CSGALNACT1: variants seen among roughly 807,000 people sequenced by gnomAD.
CSGALNACT1 encodes beta4GalNAcT-1.
A neutral mutation model predicts 51.0 loss-of-function variants in CSGALNACT1; 52 were observed. The observed-to-expected ratio is 1.02, with a 90% CI of 0.82 to 1.29. CSGALNACT1 has a LOEUF of 1.29. Among genes scored for constraint, CSGALNACT1 ranks in the 50% most tolerant of loss-of-function variants. The probability of loss-of-function intolerance (pLI) is 0.00; values close to 1 mark genes in which losing one functional copy is unlikely to be tolerated. For synonymous variants in CSGALNACT1, 341 were observed against 254.4 expected (o/e 1.34, Z -3.24); for missense variants, 935 against 679.2 (o/e 1.38, Z -4.19).
rs1588008909 is a variant in CSGALNACT1, at chr8:19,537,299, G to C, written c.-296-31169C>G. On this transcript the variant is annotated intron_variant, in intron 3 of 9. Transcript: ENST00000454498. The stretch of plus-strand genomic sequence containing the variant: ...CCACAATTCATCCCCCTCCTAAAAT[G>C]TCAGTCTCTAAGCCAGTTTGTCTGA... 3.9e-5 allele frequency among the ~76,000 whole-genome samples: 6 copies of C among 152,162 alleles called. No homozygotes were observed. In the South Asian group the frequency reaches 1.2e-3, roughly 31 times the overall value.
At position 19,426,961 on chromosome 8, in the gene CSGALNACT1, A is replaced by G. The variant is rs921211073; in HGVS notation, c.954-6443T>C. Among the ~76,000 whole-genome samples the G allele has an allele frequency of 2.0e-5, 3 of 152,240 alleles. 1 individual carries two copies. The highest frequency in any genetic ancestry group is 2.0e-4 in the Admixed American group (3 of 15,290). ...AAAATTTACATAGAAAACTAGTATT[A>G]TATCCAATGTATGATTTTAAATCTC... On this transcript the variant is annotated intron_variant, in intron 6 of 9. Coordinates refer to ENST00000454498, the Ensembl canonical transcript of CSGALNACT1.
intron 1 of CSGALNACT1, among the ~76,000 whole-genome samples, chr8:19,697,379 G>GTTGA (rs960496512): frequency 2.6e-5 from 4 of 152,086 alleles, no homozygotes; most frequent in African/African-American, 9.7e-5. Context: ...GAACAGTGGG[G>GTTGA]TTGATCATGA....
chr8:19,741,800 T>A (rs2064337370), intron 1 of CSGALNACT1, among the ~76,000 whole-genome samples: 1 of 152,198 alleles, frequency 6.6e-6, no homozygotes, highest in Admixed American at 6.5e-5. Flanking sequence ...TTTATTCTTG[T>A]TATTAAGGTA....
At chr8:19,547,839 G>C (rs1359130568) in intron 3 of CSGALNACT1, among the ~76,000 whole-genome samples, 1 of 152,172 alleles carries the variant, frequency 6.6e-6, no homozygotes, top group Non-Finnish European at 1.5e-5. Context: ...GAAAGAAAGA[G>C]TAACATTTAC....
chr8:19,491,009 G>C (rs1474857991), intron 4 of CSGALNACT1, among the ~76,000 whole-genome samples: 1 of 151,184 alleles, frequency 6.6e-6, no homozygotes, highest in African/African-American at 2.4e-5. Context: ...ATATCTTATT[G>C]CAAAGTATAA....
intron 1 of CSGALNACT1, among the ~76,000 whole-genome samples, chr8:19,610,436 C>G (rs1347594855): frequency 6.6e-6 from 1 of 151,996 alleles, no homozygotes; most frequent in African/African-American, 2.4e-5. Flanking sequence ...TTTCCCAAGA[C>G]CACTCTGGCC....
chr8:19,573,906 A>T (rs1344463587), intron 3 of CSGALNACT1, among the ~76,000 whole-genome samples: 2 of 152,174 alleles, frequency 1.3e-5, no homozygotes, highest in Non-Finnish European at 2.9e-5. Flanking sequence ...CTGGCAATCC[A>T]TTCTTTGGGC....
intron 1 of CSGALNACT1, among the ~76,000 whole-genome samples, chr8:19,617,839 C>A (rs959863944): frequency 1.3e-5 from 2 of 152,096 alleles, no homozygotes; most frequent in African/African-American, 4.8e-5. Context: ...AATAGATAGG[C>A]TTTTAAAAGA....
intron 1 of CSGALNACT1, among the ~76,000 whole-genome samples, chr8:19,696,118 G>A (rs997464048): frequency 2.6e-5 from 4 of 152,106 alleles, no homozygotes; most frequent in East Asian, 1.9e-4. Context: ...GAATGCTTAC[G>A]GCTATGGCTG....
At chr8:19,407,741 T>G (rs2054549358) in intron 9 of CSGALNACT1, among the ~76,000 whole-genome samples, 1 of 151,900 alleles carries the variant, frequency 6.6e-6, no homozygotes, top group African/African-American at 2.4e-5. Context: ...GTGTATGAAT[T>G]GTGTGTGCAT....
upstream of CSGALNACT1, among the ~76,000 whole-genome samples, chr8:19,603,531 G>A (rs1446413165): frequency 6.6e-6 from 1 of 152,208 alleles, no homozygotes; most frequent in Non-Finnish European, 1.5e-5. Context: ...ACGCAGCAAT[G>A]CCTAAGTGGA....
chr8:19,436,141 T>C (rs906660123), intron 6 of CSGALNACT1, among the ~76,000 whole-genome samples: 5 of 152,250 alleles, frequency 3.3e-5, no homozygotes, highest in Admixed American at 2.6e-4. Flanking sequence ...AAATATTGCA[T>C]ACTGGTCACT....
chr8:19,583,169 CCTT>C lies in CSGALNACT1; in HGVS notation c.-297+7988_-297+7990del, dbSNP rs1408789268. 4.6e-5 allele frequency among the ~76,000 whole-genome samples: 7 copies of C among 151,810 alleles called. No individual in the cohort carries two copies. The South Asian group carries it at 1.5e-3, about 32-fold the overall frequency. ...ATGTATCCAAAAACATAAACCAATACCTTTTTTTAAAAAAAAATCCATTATTCT... is the reference window on the plus strand; with the variant it reads ...ATGTATCCAAAAACATAAACCAATACTTTTTAAAAAAAAATCCATTATTCT... On this transcript the variant is annotated intron_variant, in intron 3 of 9. Coordinates refer to ENST00000454498, the Ensembl canonical transcript of CSGALNACT1.
intron 4 of CSGALNACT1, among the ~76,000 whole-genome samples, chr8:19,487,573 G>C (rs1254317877): frequency 6.6e-6 from 1 of 152,138 alleles, no homozygotes; most frequent in Non-Finnish European, 1.5e-5. Flanking sequence ...TTCTGGAGAA[G>C]AAAAATGTCA....
At chr8:19,483,893 TC>T (rs1217036184) in intron 4 of CSGALNACT1, among the ~76,000 whole-genome samples, 1 of 152,186 alleles carries the variant, frequency 6.6e-6, no homozygotes, top group East Asian at 1.9e-4. Flanking sequence ...CAGATAGCTG[TC>T]CCCACTTACC....
intron 1 of CSGALNACT1, among the ~76,000 whole-genome samples, chr8:19,730,826 TAATC>T (rs768332405): frequency 2.9e-4 from 44 of 152,342 alleles, no homozygotes; most frequent in Admixed American, 1.0e-3. Flanking sequence ...TCCATCACTC[TAATC>T]ATCTTGCAAA....
chr8:19,623,111 A>T (rs1359182565), intron 1 of CSGALNACT1, among the ~76,000 whole-genome samples: 2 of 152,238 alleles, frequency 1.3e-5, no homozygotes, highest in African/African-American at 4.8e-5. Context: ...AATATTTGAC[A>T]GTAAAGGGTT....
At chr8:19,495,804 G>A (rs2075347348) in intron 4 of CSGALNACT1, among the ~76,000 whole-genome samples, 1 of 152,178 alleles carries the variant, frequency 6.6e-6, no homozygotes, top group African/African-American at 2.4e-5. Context: ...GAGAGAAGCG[G>A]GGGACACTTC....
rs190553493 is a variant in CSGALNACT1, at chr8:19,474,938, A to G, written c.635-16296T>C. 1.1e-4 allele frequency among the ~76,000 whole-genome samples: 16 copies of G among 152,236 alleles called. No homozygotes were observed. The East Asian group carries it at 3.1e-3, about 29-fold the overall frequency. On this transcript the variant is annotated intron_variant, in intron 4 of 9. Coordinates refer to ENST00000454498, the Ensembl canonical transcript of CSGALNACT1. ...TTTTGGTAACAGACTAGAATATACA[A>G]AGATGAATAAAAACATAGACCTTGC...
Sources: allele counts gnomAD v4.1 joint callset (sites outside exome capture counted in the v4.1 genomes callset), GRCh38; gene constraint gnomAD v4.1.1; transcripts MANE v1.5; gene names NCBI Gene and HGNC (gene_info 2026-07-23, HGNC 2026-07-21).